OSBPL8: variants seen among roughly 807,000 people sequenced by gnomAD.
The protein encoded by OSBPL8 is oxysterol-binding protein-related protein 8.
A neutral mutation model predicts 125.5 loss-of-function variants in OSBPL8; 59 were observed. That is an observed-to-expected ratio of 0.47 (90% confidence interval 0.38 to 0.58). The LOEUF (loss-of-function observed/expected upper bound fraction) is 0.58, where lower values mean the gene tolerates loss of function less well. Among genes scored for constraint, OSBPL8 ranks in the 20% least tolerant of loss-of-function variants. OSBPL8 has a pLI of 0.00. For missense variants in OSBPL8, 758 were observed against 1,047.8 expected, an observed-to-expected ratio of 0.72 and a Z score of 3.82; for synonymous variants, 330 against 338.9, an observed-to-expected ratio of 0.97 and a Z score of 0.29.
chr12:76,480,167 C>CAAAAAA (rs57582036), intron 2 of OSBPL8, among the ~76,000 whole-genome samples: 296 of 55,928 alleles, frequency 5.3e-3, no homozygotes, highest in Middle Eastern at 0.037. Flanking sequence ...AACTCCATCT[C>CAAAAAA]AAAAAAAAAA....
At chr12:76,432,473 T>A (rs982050952) in intron 4 of OSBPL8, among the ~76,000 whole-genome samples, 4 of 152,104 alleles carry the variant, frequency 2.6e-5, no homozygotes, top group African/African-American at 9.7e-5. Context: ...CTCAGCTACC[T>A]GGGACGTTGA....
At chr12:76,419,334 C>T (rs2136480077) in intron 4 of OSBPL8, among the ~76,000 whole-genome samples, 1 of 152,250 alleles carries the variant, frequency 6.6e-6, no homozygotes, top group Non-Finnish European at 1.5e-5. Flanking sequence ...GGGATAAAAA[C>T]ATGAAAAGAC....
intron 15 of OSBPL8, among the ~76,000 whole-genome samples, 189 bp downstream of exon 15, chr12:76,384,065 T>C (rs1953181048): frequency 6.6e-6 from 1 of 152,240 alleles, no homozygotes; most frequent in Non-Finnish European, 1.5e-5. Flanking sequence ...TATATTCACA[T>C]ATATGTGATG....
At chr12:76,514,746 T>C (rs1048106371) in intron 1 of OSBPL8, among the ~76,000 whole-genome samples, 17 of 152,224 alleles carry the variant, frequency 1.1e-4, no homozygotes, top group African/African-American at 4.1e-4. Flanking sequence ...TGAAATATGT[T>C]CTGTAAGTCG....
intron 1 of OSBPL8, among the ~76,000 whole-genome samples, chr12:76,558,182 A>C (rs1951167010): frequency 6.6e-6 from 1 of 152,210 alleles, no homozygotes. Context: ...TATAGAGAAC[A>C]GTTTTAAATT....
chr12:76,498,708 T>C (rs1879542947), intron 1 of OSBPL8, among the ~76,000 whole-genome samples: 1 of 148,554 alleles, frequency 6.7e-6, no homozygotes, highest in Non-Finnish European at 1.5e-5. Context: ...CACTTAGTGG[T>C]AATAAAAGCC....
chr12:76,382,168 A>G (rs1362014830), intron 15 of OSBPL8, among the ~76,000 whole-genome samples: 2 of 152,158 alleles, frequency 1.3e-5, no homozygotes, highest in Non-Finnish European at 2.9e-5. Flanking sequence ...CAATCATATT[A>G]TTGGGTTTTA....
chr12:76,516,385 C>CAT (rs1881533607), intron 1 of OSBPL8, among the ~76,000 whole-genome samples: 1 of 152,222 alleles, frequency 6.6e-6, no homozygotes, highest in Non-Finnish European at 1.5e-5. Context: ...GTCAAAACTC[C>CAT]ATATTCTTGT....
intron 1 of OSBPL8, among the ~76,000 whole-genome samples, chr12:76,488,695 C>A (rs1878414714): frequency 6.6e-6 from 1 of 152,212 alleles, no homozygotes; most frequent in South Asian, 2.1e-4. Context: ...GAGGTTTTGA[C>A]TGTTCCACCC....
At chr12:76,477,360 A>G (rs1247195068) in intron 2 of OSBPL8, among the ~76,000 whole-genome samples, 1 of 152,232 alleles carries the variant, frequency 6.6e-6, no homozygotes, top group African/African-American at 2.4e-5. Flanking sequence ...AACAGCAAAA[A>G]TAAGTTATGC....
intron 1 of OSBPL8, among the ~76,000 whole-genome samples, chr12:76,548,552 A>T (rs1173076218): frequency 6.6e-6 from 1 of 152,194 alleles, no homozygotes; most frequent in Non-Finnish European, 1.5e-5. Context: ...TTTTCCCTAA[A>T]GAAAGTGAAC....
intron 1 of OSBPL8, among the ~76,000 whole-genome samples, chr12:76,509,465 T>G (rs893477275): frequency 1.3e-5 from 2 of 152,200 alleles, no homozygotes; most frequent in Non-Finnish European, 2.9e-5. Context: ...CAACATCCTA[T>G]TCATACGTAC....
intron 1 of OSBPL8, among the ~76,000 whole-genome samples, chr12:76,514,641 T>A (rs1032333945): frequency 6.6e-6 from 1 of 152,224 alleles, no homozygotes; most frequent in African/African-American, 2.4e-5. Flanking sequence ...GGGGATGATC[T>A]TCTTGTATAG....
chr12:76,400,120 A>C, intron 6 of OSBPL8, 146 bp from the exon 7 acceptor site: 1 of 604,964 alleles, frequency 1.7e-6, no homozygotes, highest in Non-Finnish European at 2.8e-6. Context: ...TCAGGTATTA[A>C]GCCTAGTACC....
intron 1 of OSBPL8, among the ~76,000 whole-genome samples, chr12:76,539,402 C>T (rs1032255010): frequency 6.6e-6 from 1 of 151,450 alleles, no homozygotes; most frequent in Non-Finnish European, 1.5e-5. Flanking sequence ...AAAATAAATG[C>T]CAAAGTTTAA....
rs1370570637 is a variant in OSBPL8 at position 76,355,644 on chromosome 12, C to A, written c.*245G>T. 7.3e-6 allele frequency: 3 copies of A among 412,290 alleles called. No homozygotes were observed. In the East Asian group the frequency reaches 1.4e-4, roughly 19 times the overall value. 25.5% of individuals were successfully genotyped at this position (412,290 alleles called of 1,614,324 possible). A position where few individuals can be genotyped will look rare whatever the true frequency, so the allele number is the denominator to read the frequency against. On this transcript the variant is annotated 3_prime_UTR_variant, in exon 24 of 24. Transcript: ENST00000261183. ...TGGGTTTATTATACTCATATGTAGA[C>A]ACATTCTCACAAAAGCTAGAAATGT...
intron 1 of OSBPL8, among the ~76,000 whole-genome samples, chr12:76,526,635 CTTTTTTTTTTT>C (rs573409160): frequency 5.0e-4 from 32 of 64,258 alleles, no homozygotes; most frequent in South Asian, 1.6e-3. Context: ...CAGTAAATCT[CTTTTTTTTTTT>C]TTTTTTTTTT....
At chr12:76,487,415 T>C in intron 2 of OSBPL8, 95 bp downstream of exon 2, 2 of 925,718 alleles carry the variant, frequency 2.2e-6, no homozygotes, top group Non-Finnish European at 3.2e-6. Flanking sequence ...TTTTAAAAGT[T>C]TGTTGTTAAT....
intron 2 of OSBPL8, among the ~76,000 whole-genome samples, chr12:76,485,663 T>C (rs866601104): frequency 3.9e-5 from 6 of 152,318 alleles, no homozygotes; most frequent in Middle Eastern, 6.8e-3. Flanking sequence ...TTCAGAAATA[T>C]AGGTATGTAG....
Sources: gnomAD v4.1 joint callset for allele counts (sites outside exome capture counted in the v4.1 genomes callset) on GRCh38, gnomAD v4.1.1 for gene constraint, MANE v1.5 for transcripts, NCBI Gene and HGNC (gene_info 2026-07-23, HGNC 2026-07-21) for gene names.